ZC3H4: variants seen among roughly 807,000 people sequenced by gnomAD.
ZC3H4 encodes zinc finger CCCH-type containing 4.
Under a neutral mutation model 108.3 loss-of-function variants are expected in ZC3H4, and 13 were observed. The ratio of observed to expected loss-of-function variants is 0.12; its 90% CI spans 0.08 to 0.19. The LOEUF is 0.19. ZC3H4 is among the 10% of genes least tolerant of loss of function. The probability of loss-of-function intolerance (pLI) is 1.00; values close to 1 mark genes in which losing one functional copy is unlikely to be tolerated. For missense variants in ZC3H4, 1,734 were observed against 1,838.8 expected (o/e 0.94, Z 1.04); for synonymous variants, 917 against 749.6 (o/e 1.22, Z -3.65).
chr19:47,085,425 C>T lies in ZC3H4; in HGVS notation c.871-11G>A. On this transcript the variant is annotated splice_polypyrimidine_tract_variant and intron_variant, in intron 6 of 14. Transcript: ENST00000253048. ...CTCACTCTCTCCATACTGGAATGCGCAGAGGAGAGGGCAGGAGAGCGTCAG... is the reference window on the plus strand; with the variant it reads ...CTCACTCTCTCCATACTGGAATGCGTAGAGGAGAGGGCAGGAGAGCGTCAG... 6.4e-7 allele frequency: 1 copy of T among 1,568,446 alleles called. No homozygotes were observed.
chr19:47,071,512 C>T (rs1382134842), intron 13 of ZC3H4, among the ~76,000 whole-genome samples: 4 of 152,174 alleles, frequency 2.6e-5, no homozygotes, highest in Admixed American at 6.5e-5. Context: ...GCACACTCGT[C>T]CCTCTAACTT....
intron 2 of ZC3H4, among the ~76,000 whole-genome samples, chr19:47,101,386 G>A (rs148632569): frequency 2.1e-3 from 324 of 151,554 alleles, no homozygotes; most frequent in African/African-American, 7.3e-3. Flanking sequence ...GTTAGACCCC[G>A]TCTCCACAAA....
At chr19:47,110,588 G>C (rs2058025387) in intron 2 of ZC3H4, among the ~76,000 whole-genome samples, 2 of 152,146 alleles carry the variant, frequency 1.3e-5, no homozygotes, top group African/African-American at 4.8e-5. Flanking sequence ...AGGCAGTAAA[G>C]GGAGAAAAAG....
rs190928394 is a variant in ZC3H4 at position 47,074,998 on chromosome 19, A to G, written c.1441-2285T>C. Reference sequence around the variant, plus strand: ...TAGTTGGTCCTAACACAGGGTCATCAAGATAAACTAGTCCTGCCCCTCTGC... The same window carrying G: ...TAGTTGGTCCTAACACAGGGTCATCGAGATAAACTAGTCCTGCCCCTCTGC... On this transcript the variant is annotated intron_variant, in intron 11 of 14. Transcript: ENST00000253048. Among the ~76,000 whole-genome samples, 16 of 152,276 alleles carry G rather than the reference A, an allele frequency of 1.1e-4. No individual in the cohort carries two copies. The East Asian group carries it at 2.1e-3, about 20-fold the overall frequency.
chr19:47,078,975 A>C (rs905239643), intron 11 of ZC3H4, among the ~76,000 whole-genome samples: 2 of 146,440 alleles, frequency 1.4e-5, no homozygotes, highest in African/African-American at 5.0e-5. Flanking sequence ...TGCGGTGAGC[A>C]GAGATCGCGC....
intron 2 of ZC3H4, 43 bp downstream of exon 2, chr19:47,112,381 C>T: frequency 8.1e-7 from 1 of 1,231,156 alleles, no homozygotes; most frequent in Middle Eastern, 3.1e-4. Flanking sequence ...TCCTCCTCTT[C>T]CTCCCCCCGG....
In ZC3H4 at chr19:47,071,939, G is replaced by A. The variant is rs2057333724; in HGVS notation, c.1985C>T (p.Pro662Leu). 1 of 1,612,870 alleles carries A rather than the reference G, an allele frequency of 6.2e-7. No homozygotes were observed. Among genetic ancestry groups the A allele is most frequent in the Non-Finnish European group, 8.5e-7 (1 of 1,179,534 alleles). ...TGGAGGGCCGCCAGGGCCCATGGGT[G>A]GGCCAGGATTCATGCCAGGGCCCAT... Reference protein sequence around the residue: ...MPMGPGMNPGPPMGPGGPPMM... With the variant: ...MPMGPGMNPGLPMGPGGPPMM... The change falls in exon 13 of 15, where the codon CCA becomes CTA. Residue 662 changes from proline (P) to leucine (L), a missense_variant. By Grantham distance (98) the Pro-to-Leu change is moderately conservative. Around this residue, in one of 9 missense-constraint regions of ZC3H4, gnomAD observed 540 missense variants for 484.1 expected, o/e 1.12. Coordinates refer to ENST00000253048, the MANE Select transcript of ZC3H4 (RefSeq NM_015168.2).
At chr19:47,104,550 G>C (rs1031837080) in intron 2 of ZC3H4, among the ~76,000 whole-genome samples, 2 of 152,178 alleles carry the variant, frequency 1.3e-5, no homozygotes, top group Non-Finnish European at 2.9e-5. Context: ...AATAGAAACA[G>C]TAACTAATTT....
At chr19:47,073,975 G>A (rs755909825) in intron 11 of ZC3H4, among the ~76,000 whole-genome samples, 17 of 152,160 alleles carry the variant, frequency 1.1e-4, no homozygotes, top group Non-Finnish European at 2.1e-4. Context: ...CTAAGAGCAG[G>A]GGTGGGTGTC....
Position 47,069,138 on chromosome 19 carries a change from C to A in ZC3H4, c.2352G>T (p.Ala784=). Residue 784 remains alanine, a synonymous_variant, in exon 14 of 15, where the codon GCG becomes GCT. Transcript: ENST00000253048. ...QQKQQEEEER[A]RRLAESSKQD... is the part of the protein sequence containing the mutation. ...GCTTGCTGCTCTCAGCCAGCCTCCTCGCTCTCTCCTCCTCCTCCTGCTGCT... is the reference window on the plus strand; with the variant it reads ...GCTTGCTGCTCTCAGCCAGCCTCCTAGCTCTCTCCTCCTCCTCCTGCTGCT... 6.2e-7 allele frequency: 1 copy of A among 1,606,206 alleles called. No individual in the cohort carries two copies. Among genetic ancestry groups the A allele is most frequent in the Non-Finnish European group, 8.5e-7 (1 of 1,179,932 alleles).
At chr19:47,079,568 C>CAAA (rs891522786) in intron 11 of ZC3H4, among the ~76,000 whole-genome samples, 20 of 152,086 alleles carry the variant, frequency 1.3e-4, no homozygotes, top group Middle Eastern at 3.4e-3. Context: ...CTTCCCCTGT[C>CAAA]AAACAGCTCA....
intron 11 of ZC3H4, among the ~76,000 whole-genome samples, chr19:47,081,160 A>G (rs2057515265): frequency 6.6e-6 from 1 of 152,138 alleles, no homozygotes; most frequent in Admixed American, 6.5e-5. Flanking sequence ...TCGGCCTCCC[A>G]AAGTGCTGGG....
chr19:47,095,795 G>A (rs2057810961), intron 2 of ZC3H4, among the ~76,000 whole-genome samples: 1 of 152,140 alleles, frequency 6.6e-6, no homozygotes, highest in Non-Finnish European at 1.5e-5. Flanking sequence ...AGCTCCCAAA[G>A]TTCCCCATGA....
intron 9 of ZC3H4, among the ~76,000 whole-genome samples, chr19:47,082,641 G>C (rs368213682): frequency 4.6e-4 from 70 of 152,242 alleles, no homozygotes; most frequent in Middle Eastern, 3.4e-3. Context: ...AAAGCCTTTT[G>C]TCCATTTTTC....
intron 11 of ZC3H4, among the ~76,000 whole-genome samples, chr19:47,079,729 C>T (rs1312899472): frequency 1.3e-5 from 2 of 152,152 alleles, no homozygotes; most frequent in Non-Finnish European, 2.9e-5. Context: ...AACCCCGTCT[C>T]TACTGAAAAT....
At chr19:47,070,040 G>A (rs2057297908) in intron 13 of ZC3H4, among the ~76,000 whole-genome samples, 1 of 152,170 alleles carries the variant, frequency 6.6e-6, no homozygotes, top group African/African-American at 2.4e-5. Flanking sequence ...TGGGGACGCA[G>A]CAGGCGTAGA....
chr19:47,072,571 G>T lies in ZC3H4; in HGVS notation c.1583C>A (p.Ala528Asp), dbSNP rs1262904081. The T allele has an allele frequency of 7.0e-6, 11 of 1,569,708 alleles. No homozygotes were observed. Among genetic ancestry groups the T allele is most frequent in the Admixed American group, 1.8e-5 (1 of 54,456 alleles). The change falls in exon 12 of 15, where the codon GCT becomes GAT. Residue 528 changes from alanine to aspartate, a missense_variant. Ala to Asp is a moderately radical substitution (Grantham distance 126). This residue lies in a region of ZC3H4 where 75 missense variants were observed against 85.8 expected (regional missense o/e 0.87). Transcript: ENST00000253048. This position sits in a 1 kb window ranked among gnomAD's most constrained non-coding sequence, Gnocchi z 5.6. Reference protein sequence around the residue: ...PTPPRPPGPQAPTSPNGRPMQ... With the variant: ...PTPPRPPGPQDPTSPNGRPMQ... ...GGGCCTGCCGTTGGGAGAGGTTGGAGCCTGCGGGCCAGGGGGCCGAGGAGG... is the reference window on the plus strand; with the variant it reads ...GGGCCTGCCGTTGGGAGAGGTTGGATCCTGCGGGCCAGGGGGCCGAGGAGG...
At chr19:47,100,108 G>A (rs573573938) in intron 2 of ZC3H4, among the ~76,000 whole-genome samples, 27 of 152,280 alleles carry the variant, frequency 1.8e-4, no homozygotes, top group Admixed American at 9.2e-4. Flanking sequence ...CCCCAAGTCC[G>A]ATTCTGCGGA....
At position 47,067,188 on chromosome 19, in the gene ZC3H4, G is replaced by A. The variant is rs374774621; in HGVS notation, c.3080C>T (p.Pro1027Leu). 1.2e-4 allele frequency: 195 copies of A among 1,610,408 alleles called. 2 individuals are homozygous for A. Among genetic ancestry groups the A allele is most frequent in the Middle Eastern group, 8.3e-4 (5 of 6,058 alleles). ...TAGPPNARQRPGASTDSSTQG... is the reference protein window; with the variant it reads ...TAGPPNARQRLGASTDSSTQG... Reference sequence around the variant, plus strand: ...TGTGCTGGAATCCGTGGAGGCGCCCGGGCGCTGCCGGGCGTTGGGGGGCCC... The same window carrying A: ...TGTGCTGGAATCCGTGGAGGCGCCCAGGCGCTGCCGGGCGTTGGGGGGCCC... The change falls in exon 15 of 15, where the codon CCG (proline) becomes CTG (leucine). Residue 1027 changes from proline to leucine, a missense_variant. Pro to Leu is a moderately conservative substitution (Grantham distance 98, BLOSUM62 -3). Transcript: ENST00000253048. This position sits in a 1 kb window ranked among gnomAD's most constrained non-coding sequence, Gnocchi z 6.4.
Sources: allele counts gnomAD v4.1 joint callset (sites outside exome capture counted in the v4.1 genomes callset), GRCh38; gene constraint gnomAD v4.1.1; regional missense constraint gnomAD v4.1.1; non-coding constraint Gnocchi (gnomAD v3.1); transcripts MANE v1.5; gene names NCBI Gene and HGNC (gene_info 2026-07-23, HGNC 2026-07-21).